Variants in PROS1 observed in about 807,000 individuals in gnomAD.
PROS1 encodes the protein vitamin K-dependent protein S.
A neutral mutation model predicts 75.9 loss-of-function variants in PROS1; 29 were observed. The observed-to-expected ratio is 0.38, with a 90% CI of 0.28 to 0.52. PROS1 has a LOEUF of 0.52. PROS1 is among the 20% of genes least tolerant of loss of function. PROS1 has a pLI of 0.83. For synonymous variants in PROS1, 245 were observed against 280.6 expected (o/e 0.87, Z 1.27); for missense variants, 680 against 810.3 (o/e 0.84, Z 1.95).
Position 93,879,329 on chromosome 3 carries a change from G to A in PROS1, c.1493-15C>T. 1.2e-6 allele frequency: 2 copies of A among 1,613,240 alleles called. No homozygotes were observed. Among genetic ancestry groups the A allele is most frequent in the Non-Finnish European group, 1.7e-6 (2 of 1,179,266 alleles). The stretch of plus-strand genomic sequence containing the variant: ...GGATACATTATCTATTTAAAATAAT[G>A]AAACAGAAGCATGATCAATGCACTC... On this transcript the variant is annotated splice_polypyrimidine_tract_variant and intron_variant, in intron 12 of 14. Coordinates refer to ENST00000394236, the MANE Select transcript of PROS1 (RefSeq NM_000313.4).
At chr3:93,898,286 C>T (rs894575940) in intron 8 of PROS1, among the ~76,000 whole-genome samples, 162 bp downstream of exon 8, 1 of 152,038 alleles carries the variant, frequency 6.6e-6, no homozygotes, top group Non-Finnish European at 1.5e-5. Context: ...TTATGACTTA[C>T]ATGACCATAA....
intron 1 of PROS1, among the ~76,000 whole-genome samples, chr3:93,939,855 C>T (rs575168703): frequency 7.5e-4 from 114 of 152,216 alleles, no homozygotes; most frequent in African/African-American, 2.7e-3. Flanking sequence ...AAATTAGATT[C>T]CGGCCCTCAA....
intron 1 of PROS1, among the ~76,000 whole-genome samples, chr3:93,955,018 A>G (rs1709574092): frequency 6.6e-6 from 1 of 152,216 alleles, no homozygotes; most frequent in African/African-American, 2.4e-5. Flanking sequence ...AATCAAAACC[A>G]CAATGAGATA....
intron 3 of PROS1, among the ~76,000 whole-genome samples, chr3:93,916,420 A>C (rs1708849897): frequency 6.6e-6 from 1 of 152,234 alleles, no homozygotes; most frequent in South Asian, 2.1e-4. Flanking sequence ...AGGCCAGACT[A>C]CATTAGCTTA....
At chr3:93,933,630 T>A (rs554657332) in intron 1 of PROS1, among the ~76,000 whole-genome samples, 1 of 151,148 alleles carries the variant, frequency 6.6e-6, no homozygotes, top group East Asian at 2.0e-4. Context: ...ATTTAAAAAA[T>A]TAATTAATAA....
At chr3:93,886,550 G>A in intron 10 of PROS1, 47 bp from the exon 11 acceptor site, 1 of 1,419,554 alleles carries the variant, frequency 7.0e-7, no homozygotes, top group East Asian at 2.3e-5. Flanking sequence ...ATTACTACAT[G>A]TCATTTGAAA....
intron 1 of PROS1, among the ~76,000 whole-genome samples, chr3:93,947,041 T>G (rs543332425): frequency 6.6e-6 from 1 of 152,266 alleles, no homozygotes; most frequent in African/African-American, 2.4e-5. Flanking sequence ...AGAAGACATT[T>G]ATGCAGCCAA....
chr3:93,877,109 T>A lies in PROS1; in HGVS notation c.1727A>T (p.Glu576Val), dbSNP rs528604865. The A allele has an allele frequency of 2.3e-5, 37 of 1,612,790 alleles. No individual in the cohort carries two copies. In the African/African-American group the frequency reaches 4.7e-4, roughly 20 times the overall value. The change falls in exon 14 of 15, where the codon GAA becomes GTA. Residue 576 changes from glutamate (E) to valine (V), a missense_variant. Coordinates refer to ENST00000394236, the MANE Select transcript of PROS1 (RefSeq NM_000313.4). ...CAGATTGTTTCTGTTGACTCTAAAT[T>A]CCAGATGAGATTGTTGATCGGAACA... ...SLCSDQQSHLEFRVNRNNLEL... is the reference protein window; with the variant it reads ...SLCSDQQSHLVFRVNRNNLEL...
chr3:93,972,140 T>G (rs1382153082), intron 1 of PROS1, among the ~76,000 whole-genome samples: 1 of 152,216 alleles, frequency 6.6e-6, no homozygotes, highest in Non-Finnish European at 1.5e-5. Flanking sequence ...CAAATTTCTA[T>G]GATGACAAGG....
intron 9 of PROS1, among the ~76,000 whole-genome samples, chr3:93,893,445 G>T (rs1708460511): frequency 6.6e-6 from 1 of 152,100 alleles, no homozygotes; most frequent in Admixed American, 6.5e-5. Flanking sequence ...TTAATACACA[G>T]GTATAAGTAT....
chr3:93,924,261 A>C lies in PROS1; in HGVS notation c.238T>G (p.Tyr80Asp). The change falls in exon 3 of 15, where the codon TAT (tyrosine) becomes GAT (aspartate). Residue 80 changes from tyrosine (Y) to aspartate (D), a missense_variant. Coordinates refer to ENST00000394236, the MANE Select transcript of PROS1 (RefSeq NM_000313.4). ...TTACCTAAGTATTTTGGATAAAAAT[A>C]ATCCTAGAAAGAAGAAAAAGAAAAC... ...EVFENDPETD[Y>D]FYPKYLVCLR... is the part of the protein sequence containing the mutation. 1 of 1,288,290 alleles carries C rather than the reference A, an allele frequency of 7.8e-7. No homozygotes were observed. The highest frequency in any genetic ancestry group is 2.5e-5 in the East Asian group (1 of 39,652). The allele number at this position is 1,288,290 out of a possible 1,614,324, so 79.8% of individuals were successfully genotyped here. A position where few individuals can be genotyped will look rare whatever the true frequency, so the allele number is the denominator to read the frequency against.
chr3:93,899,243 T>G (rs1267008189), intron 7 of PROS1, among the ~76,000 whole-genome samples: 1 of 151,826 alleles, frequency 6.6e-6, no homozygotes, highest in Non-Finnish European at 1.5e-5. Flanking sequence ...TTTGAGAAAA[T>G]CATTCTTGGA....
intron 6 of PROS1, among the ~76,000 whole-genome samples, chr3:93,904,886 G>C (rs1708650359): frequency 1.3e-5 from 2 of 152,140 alleles, no homozygotes; most frequent in South Asian, 4.2e-4. Flanking sequence ...TGACTTGTTA[G>C]AAAGCTAAAC....
intron 2 of PROS1, among the ~76,000 whole-genome samples, chr3:93,925,747 G>T (rs566660158): frequency 7.3e-4 from 110 of 151,178 alleles, no homozygotes; most frequent in African/African-American, 2.3e-3. Flanking sequence ...TTGCCTGAGC[G>T]GGGGGGTCAG....
intron 3 of PROS1, among the ~76,000 whole-genome samples, chr3:93,922,468 A>G (rs1390321891): frequency 6.6e-6 from 1 of 152,220 alleles, no homozygotes; most frequent in Non-Finnish European, 1.5e-5. Flanking sequence ...TGAAACCCAG[A>G]GTACTTATTT....
At chr3:93,919,989 TTC>T (rs949150562) in intron 3 of PROS1, among the ~76,000 whole-genome samples, 5 of 152,212 alleles carry the variant, frequency 3.3e-5, no homozygotes, top group African/African-American at 7.2e-5. Context: ...GATAAGATAT[TTC>T]TCTCTTTTGT....
chr3:93,915,566 C>A lies in PROS1; in HGVS notation c.260-4861G>T, dbSNP rs550002426. Among the ~76,000 whole-genome samples the A allele has an allele frequency of 9.5e-4, 145 of 152,330 alleles. 1 individual carries two copies. The highest frequency in any genetic ancestry group is 1.6e-3 in the Non-Finnish European group (112 of 68,034). Reference sequence around the variant, plus strand: ...CCTAGTACTTATCTCTTAAATTCAGCCTTCCCTACAGCCCTCAGGCATGGA... The same window carrying A: ...CCTAGTACTTATCTCTTAAATTCAGACTTCCCTACAGCCCTCAGGCATGGA... On this transcript the variant is annotated intron_variant, in intron 3 of 14. Transcript: ENST00000394236.
intron 1 of PROS1, among the ~76,000 whole-genome samples, chr3:93,945,720 A>C (rs903795785): frequency 1.3e-5 from 2 of 152,058 alleles, no homozygotes; most frequent in African/African-American, 4.8e-5. Flanking sequence ...ATGGGCAAAA[A>C]TGGAAGCACT....
At chr3:93,953,791 C>G (rs996263533) in intron 1 of PROS1, among the ~76,000 whole-genome samples, 1 of 152,166 alleles carries the variant, frequency 6.6e-6, no homozygotes, top group African/African-American at 2.4e-5. Flanking sequence ...CCAATTGCCC[C>G]TGTTTGCAGA....
Sources: gnomAD v4.1 joint callset for allele counts (sites outside exome capture counted in the v4.1 genomes callset) on GRCh38, gnomAD v4.1.1 for gene constraint, MANE v1.5 for transcripts, NCBI Gene and HGNC (gene_info 2026-07-23, HGNC 2026-07-21) for gene names.